PGS1: variants seen among roughly 807,000 people sequenced by gnomAD.
PGS1 encodes phosphatidylglycerophosphate synthase 1, also known as CDP-diacylglycerol--glycerol-3-phosphate 3-phosphatidyltransferase, mitochondrial.
A neutral mutation model predicts 58.3 loss-of-function variants in PGS1; 44 were observed. The ratio of observed to expected loss-of-function variants is 0.75; its 90% CI spans 0.59 to 0.97. The LOEUF (loss-of-function observed/expected upper bound fraction) is 0.97, where lower values mean the gene tolerates loss of function less well. Ranked by LOEUF, PGS1 falls within the 50% of genes least tolerant of loss-of-function variation. PGS1 has a pLI of 0.00. For missense variants in PGS1, 684 were observed against 731.1 expected, an observed-to-expected ratio of 0.94 and a Z score of 0.74; for synonymous variants, 330 against 311.0, an observed-to-expected ratio of 1.06 and a Z score of -0.64.
At chr17:78,413,266 T>G (rs1230140170) in intron 7 of PGS1, among the ~76,000 whole-genome samples, 2 of 152,218 alleles carry the variant, frequency 1.3e-5, no homozygotes, top group African/African-American at 4.8e-5. Context: ...GAGTGAAGAT[T>G]AGGAAACCGT....
chr17:78,416,562 C>A (rs1356899531), intron 8 of PGS1, among the ~76,000 whole-genome samples: 2 of 152,200 alleles, frequency 1.3e-5, no homozygotes, highest in Non-Finnish European at 2.9e-5. Context: ...GGCACTGAAC[C>A]CACATCCTGG....
intron 8 of PGS1, 56 bp from the exon 9 acceptor site, chr17:78,419,490 T>G: frequency 8.9e-6 from 13 of 1,466,320 alleles, no homozygotes; most frequent in Non-Finnish European, 1.2e-5. Context: ...CAGCCGGCCA[T>G]GTGGTGTGGT....
chr17:78,422,641 G>A (rs1474218018), intron 9 of PGS1, among the ~76,000 whole-genome samples: 3 of 152,016 alleles, frequency 2.0e-5, no homozygotes, highest in Non-Finnish European at 4.4e-5. Flanking sequence ...GGGACCACAG[G>A]CACATACAAC....
intron 7 of PGS1, among the ~76,000 whole-genome samples, chr17:78,409,933 A>G (rs1419553933): frequency 6.6e-6 from 1 of 152,102 alleles, no homozygotes; most frequent in Admixed American, 6.5e-5. Flanking sequence ...CAACATAGTG[A>G]AACTGTGTCT....
intron 1 of PGS1, among the ~76,000 whole-genome samples, chr17:78,380,468 T>C (rs536491936): frequency 1.3e-5 from 2 of 152,352 alleles, no homozygotes; most frequent in East Asian, 3.9e-4. Context: ...GATGGCGCTC[T>C]TGGAAACCTG....
Position 78,403,223 on chromosome 17 carries a change from TC to T in PGS1, c.881-338del, listed in dbSNP as rs1010231573. On this transcript the variant is annotated intron_variant, in intron 6 of 9. Coordinates refer to ENST00000262764, the MANE Select transcript of PGS1 (RefSeq NM_024419.5). ...CTGCTTCCTGGAGGCCCCCCGTATG[TC>T]CCCCCCAAGGAATTATCCCAAAGGT... 2.7e-5 allele frequency among the ~76,000 whole-genome samples: 4 copies of T among 150,292 alleles called. No individual in the cohort carries two copies. In the East Asian group the frequency reaches 6.0e-4, roughly 23 times the overall value.
At chr17:78,414,673 C>T (rs1204827236) in intron 7 of PGS1, among the ~76,000 whole-genome samples, 1 of 152,110 alleles carries the variant, frequency 6.6e-6, no homozygotes, top group Non-Finnish European at 1.5e-5. Flanking sequence ...GAGGCTGCGC[C>T]CTGATCCTGG....
chr17:78,418,590 G>A (rs2085411978), intron 8 of PGS1, among the ~76,000 whole-genome samples: 1 of 152,236 alleles, frequency 6.6e-6, no homozygotes, highest in South Asian at 2.1e-4. Context: ...TAAGTTGACT[G>A]TTGGACATTT....
chr17:78,385,482 G>C (rs2082316817), intron 1 of PGS1, among the ~76,000 whole-genome samples: 1 of 152,166 alleles, frequency 6.6e-6, no homozygotes, highest in African/African-American at 2.4e-5. Flanking sequence ...GTAGAGATGG[G>C]GTTTCACCAT....
At chr17:78,378,922 T>G in intron 1 of PGS1, 114 bp downstream of exon 1, 1 of 1,170,340 alleles carries the variant, frequency 8.5e-7, no homozygotes, top group Non-Finnish European at 1.1e-6. Flanking sequence ...CCTCCCCGGT[T>G]TCCGGGCCCA....
At chr17:78,399,947 C>T (rs2083526324) in intron 5 of PGS1, 2 of 253,942 alleles carry the variant, frequency 7.9e-6, no homozygotes, top group Non-Finnish European at 7.8e-6. Context: ...GGCCCTTTCA[C>T]AGGCCCTCCC....
chr17:78,413,046 G>A (rs1274796517), intron 7 of PGS1, among the ~76,000 whole-genome samples: 2 of 152,232 alleles, frequency 1.3e-5, no homozygotes, highest in African/African-American at 4.8e-5. Context: ...GCCACCAGGG[G>A]AAGGGGGCAG....
chr17:78,394,399 T>G (rs776362536), intron 2 of PGS1, among the ~76,000 whole-genome samples: 24 of 152,054 alleles, frequency 1.6e-4, no homozygotes, highest in Non-Finnish European at 2.9e-4. Context: ...GTGCATTCTT[T>G]GTGTGCACAC....
rs757187406 is a variant in PGS1, at chr17:78,414,965, G to T, written c.1489G>T (p.Asp497Tyr). The stretch of plus-strand genomic sequence containing the variant: ...TTTTGGGTACAGGTCAGTTCACCGG[G>T]ACCTGGAGGCCCAGATTGCGATCGT... ...PNFGYRSVHR[D>Y]LEAQIAIVTE... Residue 497 changes from aspartate to tyrosine, a missense_variant, in exon 8 of 10, where the codon GAC (aspartate) becomes TAC (tyrosine). By Grantham distance (160) the Asp-to-Tyr change is radical (BLOSUM62 -3). Transcript: ENST00000262764. 1 of 1,613,820 alleles carries T rather than the reference G, an allele frequency of 6.2e-7. No homozygotes were observed. The highest frequency in any genetic ancestry group is 8.5e-7 in the Non-Finnish European group (1 of 1,180,030).
At chr17:78,396,475 T>G (rs572161108) in intron 3 of PGS1, 90 bp downstream of exon 3, 17 of 902,636 alleles carry the variant, frequency 1.9e-5, no homozygotes, top group South Asian at 1.5e-4. Flanking sequence ...GGTGTGGAGC[T>G]GCCTTTCCTT....
intron 9 of PGS1, chr17:78,422,061 T>C (rs1449444097): frequency 6.6e-6 from 1 of 152,256 alleles, no homozygotes; most frequent in South Asian, 2.1e-4. Context: ...AATATGTATG[T>C]GTGGACTAGA....
At chr17:78,406,821 C>T (rs1158090573) in intron 7 of PGS1, among the ~76,000 whole-genome samples, 2 of 152,234 alleles carry the variant, frequency 1.3e-5, no homozygotes, top group African/African-American at 2.4e-5. Flanking sequence ...AGGCGTCGCT[C>T]TCCTCAACTG....
intron 7 of PGS1, among the ~76,000 whole-genome samples, chr17:78,410,723 T>C (rs1019326719): frequency 3.9e-5 from 6 of 152,038 alleles, no homozygotes; most frequent in African/African-American, 1.2e-4. Context: ...CTGCCCGCCT[T>C]GGCCCCCCAA....
intron 1 of PGS1, among the ~76,000 whole-genome samples, chr17:78,383,749 A>G (rs1240339392): frequency 6.6e-6 from 1 of 152,188 alleles, no homozygotes; most frequent in Non-Finnish European, 1.5e-5. Flanking sequence ...TTGCCAAATA[A>G]TTCAGATTTG....
Sources: allele counts gnomAD v4.1 joint callset (sites outside exome capture counted in the v4.1 genomes callset), GRCh38; gene constraint gnomAD v4.1.1; transcripts MANE v1.5; gene names NCBI Gene and HGNC (gene_info 2026-07-23, HGNC 2026-07-21).